Variants in SHANK2 observed in about 807,000 individuals in gnomAD.
SHANK2 encodes SH3 and multiple ankyrin repeat domains protein 2.
Under a neutral mutation model 133.7 loss-of-function variants are expected in SHANK2, and 43 were observed. The observed-to-expected ratio is 0.32, with a 90% CI of 0.25 to 0.41. The LOEUF is 0.41. Among genes scored for constraint, SHANK2 ranks in the 10% least tolerant of loss-of-function variants. The probability of loss-of-function intolerance (pLI) is 1.00; values close to 1 mark genes in which losing one functional copy is unlikely to be tolerated. For synonymous variants in SHANK2, 1,017 were observed against 952.8 expected (o/e 1.07, Z -1.24); for missense variants, 1,994 against 2,235.8 (o/e 0.89, Z 2.18).
At chr11:70,724,553 T>G (rs1946139421) in intron 14 of SHANK2, among the ~76,000 whole-genome samples, 5 of 152,216 alleles carry the variant, frequency 3.3e-5, no homozygotes, top group Admixed American at 3.3e-4. Context: ...TCTCCTCCTT[T>G]GATCTCATCA....
chr11:70,534,434 C>G (rs2059518835), intron 17 of SHANK2, among the ~76,000 whole-genome samples: 1 of 152,190 alleles, frequency 6.6e-6, no homozygotes, highest in Admixed American at 6.5e-5. Context: ...AACTACAATT[C>G]AAGATGAGAT....
At chr11:70,625,844 GT>G (rs1316004955) in intron 17 of SHANK2, among the ~76,000 whole-genome samples, 19 of 130,244 alleles carry the variant, frequency 1.5e-4, no homozygotes, top group Admixed American at 8.1e-5. Flanking sequence ...AAAAAGACAC[GT>G]TTGTGCATAA....
chr11:70,945,393 G>A (rs782561843), intron 10 of SHANK2, among the ~76,000 whole-genome samples: 7 of 152,154 alleles, frequency 4.6e-5, no homozygotes, highest in Non-Finnish European at 8.8e-5. Context: ...CACCAGCCTG[G>A]TCGTGGTTCC....
At chr11:70,651,748 C>T (rs1318917167) in intron 17 of SHANK2, among the ~76,000 whole-genome samples, 4 of 152,188 alleles carry the variant, frequency 2.6e-5, no homozygotes, top group African/African-American at 4.8e-5. Flanking sequence ...AAATATTGGC[C>T]TTGATGACCA....
At chr11:70,528,399 A>G (rs1554972548) in intron 17 of SHANK2, among the ~76,000 whole-genome samples, 2 of 152,116 alleles carry the variant, frequency 1.3e-5, no homozygotes, top group African/African-American at 4.8e-5. Flanking sequence ...CCTGGTGGCC[A>G]TGGGACCCTG....
intron 17 of SHANK2, among the ~76,000 whole-genome samples, chr11:70,540,431 C>T (rs570656660): frequency 4.6e-5 from 7 of 152,220 alleles, no homozygotes; most frequent in South Asian, 2.1e-4. Flanking sequence ...CTCTCTCCTG[C>T]GGAGTCGGAG....
chr11:70,753,590 T>G (rs551867906), intron 14 of SHANK2, among the ~76,000 whole-genome samples: 39 of 132,308 alleles, frequency 2.9e-4, no homozygotes, highest in Admixed American at 1.8e-3. Flanking sequence ...TGATAAAAAT[T>G]TTAGTAAGAC....
At chr11:70,546,571 C>G (rs1263920747) in intron 17 of SHANK2, among the ~76,000 whole-genome samples, 2 of 152,166 alleles carry the variant, frequency 1.3e-5, no homozygotes, top group African/African-American at 2.4e-5. Context: ...TCAGTCTTTC[C>G]TCAAGATCGA....
At chr11:71,154,352 A>G (rs1952858088) in intron 2 of SHANK2, among the ~76,000 whole-genome samples, 1 of 152,310 alleles carries the variant, frequency 6.6e-6, no homozygotes, top group South Asian at 2.1e-4. Context: ...TGACATAGAC[A>G]TAGGGCTGAG....
intron 2 of SHANK2, among the ~76,000 whole-genome samples, chr11:71,183,491 C>G (rs139401162): frequency 6.6e-6 from 1 of 152,322 alleles, no homozygotes; most frequent in East Asian, 1.9e-4. Flanking sequence ...CAATGCAAAG[C>G]TCTAAGCAAA....
chr11:71,101,798 G>A (rs1555096682), intron 6 of SHANK2, among the ~76,000 whole-genome samples: 1 of 152,176 alleles, frequency 6.6e-6, no homozygotes, highest in African/African-American at 2.4e-5. Context: ...TGAGCGGTGC[G>A]GGAGCTGGGA....
chr11:71,222,855 G>A (rs1555121495), intron 2 of SHANK2, among the ~76,000 whole-genome samples: 12 of 152,248 alleles, frequency 7.9e-5, no homozygotes. Flanking sequence ...GAGGAACTGT[G>A]TACTGGGCCA....
chr11:70,586,103 T>C (rs1398085767), intron 17 of SHANK2, among the ~76,000 whole-genome samples: 1 of 152,126 alleles, frequency 6.6e-6, no homozygotes, highest in African/African-American at 2.4e-5. Context: ...TCTTGGAGAA[T>C]CGCACAGGTG....
At chr11:70,793,304 A>C (rs1201526316) in intron 14 of SHANK2, among the ~76,000 whole-genome samples, 2 of 152,228 alleles carry the variant, frequency 1.3e-5, no homozygotes, top group Admixed American at 1.3e-4. Flanking sequence ...GGTTCCATGG[A>C]GATGACTGTG....
intron 4 of SHANK2, among the ~76,000 whole-genome samples, chr11:71,116,315 G>A (rs116944047): frequency 0.021 from 3,270 of 152,340 alleles, 42 homozygotes; most frequent in African/African-American, 0.036. Context: ...ATGCCAACAT[G>A]TTGTGCAGGA....
chr11:70,886,703 A>T (rs1313455208), intron 11 of SHANK2, among the ~76,000 whole-genome samples: 6 of 144,350 alleles, frequency 4.2e-5, no homozygotes, highest in African/African-American at 8.1e-5. Context: ...ACAATCACAC[A>T]CACACACACA....
At chr11:70,719,595 T>C (rs1555028458) in intron 14 of SHANK2, among the ~76,000 whole-genome samples, 2 of 152,068 alleles carry the variant, frequency 1.3e-5, no homozygotes, top group African/African-American at 4.8e-5. Context: ...CGTGGTCTGA[T>C]GTGATCTATG....
intron 10 of SHANK2, among the ~76,000 whole-genome samples, chr11:70,951,557 G>GCT (rs1950842642): frequency 2.2e-5 from 1 of 45,350 alleles, no homozygotes; most frequent in African/African-American, 6.5e-5. Context: ...GCTGCTGCGT[G>GCT]GTGACGTCAT....
At chr11:70,489,447 G>C (rs1182654763) in intron 23 of SHANK2, 99 bp from the exon 24 acceptor site, 1 of 1,134,408 alleles carries the variant, frequency 8.8e-7, no homozygotes, top group East Asian at 2.3e-5. Context: ...AAGCACAGCA[G>C]ACACCACCTC....
Sources: allele counts gnomAD v4.1 joint callset (sites outside exome capture counted in the v4.1 genomes callset), GRCh38; gene constraint gnomAD v4.1.1; transcripts MANE v1.5; gene names NCBI Gene and HGNC (gene_info 2026-07-23, HGNC 2026-07-21).